The following RPRD2 variants were observed in gnomAD, a reference collection of about 807,000 sequenced individuals.
RPRD2 encodes the protein regulation of nuclear pre-mRNA domain containing 2.
RPRD2 carries 12 observed loss-of-function variants against 104.4 expected under a neutral mutation model. The ratio of observed to expected loss-of-function variants is 0.11; its 90% CI spans 0.07 to 0.19. The LOEUF is 0.19. Among genes scored for constraint, RPRD2 ranks in the 10% least tolerant of loss-of-function variants. The pLI is 1.00. For synonymous variants in RPRD2, 714 were observed against 684.9 expected, an observed-to-expected ratio of 1.04 and a Z score of -0.66; for missense variants, 1,543 against 1,790.1, an observed-to-expected ratio of 0.86 and a Z score of 2.49.
chr1:150,394,326 A>G (rs1190768686), intron 1 of RPRD2, among the ~76,000 whole-genome samples: 3 of 152,074 alleles, frequency 2.0e-5, no homozygotes, highest in Non-Finnish European at 4.4e-5. Context: ...CTGGGTTTAC[A>G]GGCGTGAACC....
At chr1:150,426,766 A>C (rs952324537) in intron 2 of RPRD2, among the ~76,000 whole-genome samples, 7 of 152,300 alleles carry the variant, frequency 4.6e-5, no homozygotes, top group Admixed American at 3.9e-4. Context: ...TCAGTTTTGC[A>C]GGATGGGAAG....
At chr1:150,367,148 C>G (rs1471374226) in intron 1 of RPRD2, among the ~76,000 whole-genome samples, 1 of 152,052 alleles carries the variant, frequency 6.6e-6, no homozygotes, top group East Asian at 1.9e-4. Flanking sequence ...TGTTGTTTTT[C>G]TAGTGGAATG....
At chr1:150,388,676 G>A (rs1200380938) in intron 1 of RPRD2, among the ~76,000 whole-genome samples, 5 of 148,362 alleles carry the variant, frequency 3.4e-5, no homozygotes, top group Non-Finnish European at 7.4e-5. Flanking sequence ...GTGCAGTGGC[G>A]CGATCTTGCA....
At chr1:150,437,478 A>G (rs1022574385) in intron 2 of RPRD2, among the ~76,000 whole-genome samples, 2 of 152,132 alleles carry the variant, frequency 1.3e-5, no homozygotes, top group African/African-American at 2.4e-5. Context: ...TTTTTTAGCT[A>G]TAAAGTATTT....
In RPRD2 at chr1:150,471,438, T is replaced by C; in HGVS notation, c.2490T>C (p.Asp830=). 1.2e-6 allele frequency: 2 copies of C among 1,613,936 alleles called. 1 individual carries two copies. Among genetic ancestry groups the C allele is most frequent in the South Asian group, 2.2e-5 (2 of 91,076 alleles). Residue 830 remains aspartate, a synonymous_variant, in exon 11 of 11, where the codon GAT becomes GAC. Transcript: ENST00000369068. The surrounding 1 kb of genome is among the most constrained non-coding windows in gnomAD (Gnocchi z 5.3). ...KFYPDTSFQE[D]EDYRDFEYSG... ...ACCCAGATACTTCTTTCCAAGAAGA[T>C]GAGGATTACCGAGATTTTGAGTATT... is the stretch of plus-strand genomic sequence containing the variant.
In RPRD2 at chr1:150,364,862, G is replaced by A. The variant is rs782477241; in HGVS notation, c.148G>A (p.Glu50Lys). 1 of 1,613,992 alleles carries A rather than the reference G, an allele frequency of 6.2e-7. No homozygotes were observed. The highest frequency in any genetic ancestry group is 8.5e-7 in the Non-Finnish European group (1 of 1,179,850). Reference protein sequence around the residue: ...SIQGLSSWCIENKKHHSTIVY... With the variant: ...SIQGLSSWCIKNKKHHSTIVY... ...TCAAGGCTTGTCGTCTTGGTGTATA[G>A]AGAACAAAAAACACCACAGTACTAT... Residue 50 changes from glutamate (E) to lysine (K), a missense_variant, in exon 1 of 11, where the codon GAG (glutamate) becomes AAG (lysine). Transcript: ENST00000369068.
intron 1 of RPRD2, among the ~76,000 whole-genome samples, chr1:150,385,611 C>T (rs1661505591): frequency 6.6e-6 from 1 of 152,096 alleles, no homozygotes; most frequent in African/African-American, 2.4e-5. Context: ...ATCATTAGCT[C>T]CTACTGGCTT....
intron 1 of RPRD2, among the ~76,000 whole-genome samples, chr1:150,397,513 A>C (rs1560167760): frequency 6.6e-6 from 1 of 152,124 alleles, no homozygotes; most frequent in Non-Finnish European, 1.5e-5. Context: ...GTGACCCACT[A>C]TTTGACCTTA....
chr1:150,463,509 T>C (rs1668072327), intron 9 of RPRD2, among the ~76,000 whole-genome samples: 2 of 152,214 alleles, frequency 1.3e-5, no homozygotes, highest in South Asian at 4.1e-4. Flanking sequence ...CCATTTCTTC[T>C]ATGAAAGATG....
rs369152525 is a variant in RPRD2, at chr1:150,473,141, C to A, written c.4193C>A (p.Pro1398His). The part of the protein sequence containing the change: ...GGGSNSSSGP[P>H]LGPSHRDTIS... Reference sequence around the variant, plus strand: ...GGCAGCAACAGCAGCAGTGGCCCCCCCTTGGGTCCCTCACACAGAGACACC... The same window carrying A: ...GGCAGCAACAGCAGCAGTGGCCCCCACTTGGGTCCCTCACACAGAGACACC... Residue 1398 changes from proline to histidine, a missense_variant, in exon 11 of 11, where the codon CCC becomes CAC. Physicochemically the swap from Pro to His is moderately conservative, Grantham distance 77. Transcript: ENST00000369068. 2.5e-6 allele frequency: 4 copies of A among 1,613,866 alleles called. No homozygotes were observed. Among genetic ancestry groups the A allele is most frequent in the African/African-American group, 1.3e-5 (1 of 74,938 alleles).
intron 2 of RPRD2, among the ~76,000 whole-genome samples, chr1:150,423,238 C>T (rs1165663884): frequency 6.6e-6 from 1 of 152,178 alleles, no homozygotes; most frequent in African/African-American, 2.4e-5. Flanking sequence ...CTATGAATGT[C>T]AGAGTTGAGT....
chr1:150,454,622 C>A (rs1055949666), intron 7 of RPRD2, among the ~76,000 whole-genome samples: 1 of 151,986 alleles, frequency 6.6e-6, no homozygotes. Flanking sequence ...CTGGGGCAGG[C>A]GGATCACCTG....
At chr1:150,396,320 G>A (rs991557073) in intron 1 of RPRD2, among the ~76,000 whole-genome samples, 3 of 151,600 alleles carry the variant, frequency 2.0e-5, no homozygotes, top group South Asian at 2.1e-4. Context: ...TACTCTTGCT[G>A]ACTGTTCCTT....
chr1:150,388,179 T>C (rs1661744682), intron 1 of RPRD2, among the ~76,000 whole-genome samples: 1 of 151,418 alleles, frequency 6.6e-6, no homozygotes, highest in South Asian at 2.1e-4. Context: ...TGGCCTCATA[T>C]AGTGCTGGGA....
intron 1 of RPRD2, among the ~76,000 whole-genome samples, chr1:150,371,150 A>G (rs587617413): frequency 1.3e-4 from 20 of 152,328 alleles, no homozygotes; most frequent in Middle Eastern, 3.4e-3. Context: ...ATGTATGCCA[A>G]TGGTTTCTCA....
chr1:150,446,115 G>A, intron 6 of RPRD2, 111 bp from the exon 7 acceptor site: 1 of 697,414 alleles, frequency 1.4e-6, no homozygotes, highest in Non-Finnish European at 2.3e-6. Context: ...GTACTGCACA[G>A]TAAGGCAGCA....
At chr1:150,393,264 G>C (rs1326979049) in intron 1 of RPRD2, among the ~76,000 whole-genome samples, 1 of 151,654 alleles carries the variant, frequency 6.6e-6, no homozygotes, top group Non-Finnish European at 1.5e-5. Flanking sequence ...GAGCCCAGAA[G>C]TTCAAGACCA....
chr1:150,430,633 A>G (rs782431722), intron 2 of RPRD2, among the ~76,000 whole-genome samples: 2 of 152,154 alleles, frequency 1.3e-5, no homozygotes, highest in Admixed American at 6.5e-5. Context: ...AGTTCTTTAG[A>G]AGATAACACT....
chr1:150,374,697 T>C (rs1195514566), intron 1 of RPRD2, among the ~76,000 whole-genome samples: 3 of 152,190 alleles, frequency 2.0e-5, no homozygotes, highest in Admixed American at 6.5e-5. Flanking sequence ...AAGTCTTTGT[T>C]GATTGTTGAA....
Sources: allele counts gnomAD v4.1 joint callset (sites outside exome capture counted in the v4.1 genomes callset), GRCh38; gene constraint gnomAD v4.1.1; non-coding constraint Gnocchi (gnomAD v3.1); transcripts MANE v1.5; gene names NCBI Gene and HGNC (gene_info 2026-07-23, HGNC 2026-07-21).